ASCC3: variants seen among roughly 807,000 people sequenced by gnomAD.
ASCC3 encodes the protein activating signal cointegrator 1 complex subunit 3.
Under a neutral mutation model 256.3 loss-of-function variants are expected in ASCC3, and 158 were observed. The ratio of observed to expected loss-of-function variants is 0.62; its 90% confidence interval spans 0.54 to 0.70. ASCC3 has a LOEUF of 0.70. ASCC3 is among the 30% of genes least tolerant of loss of function. ASCC3 has a pLI of 0.00. For missense variants in ASCC3, 2,259 were observed against 2,626.0 expected (o/e 0.86, Z 3.05); for synonymous variants, 948 against 883.4 (o/e 1.07, Z -1.30).
In ASCC3 at chr6:100,509,139, A is replaced by G; in HGVS notation, c.*247T>C. 1 of 503,616 alleles carries G rather than the reference A, an allele frequency of 2.0e-6. No homozygotes were observed. Among genetic ancestry groups the G allele is most frequent in the South Asian group, 2.1e-5 (1 of 47,484 alleles). The allele number at this position is 503,616 out of a possible 1,614,324, so 31.2% of individuals were successfully genotyped here. A position where few individuals can be genotyped will look rare whatever the true frequency, so the allele number is the denominator to read the frequency against. On this transcript the variant is annotated 3_prime_UTR_variant, in exon 42 of 42. Transcript: ENST00000369162. ...ATACACAAATTAAAAGATTATTCTAAATGCTTTTTCATCTTACATATCAAG... is the reference window on the plus strand; with the variant it reads ...ATACACAAATTAAAAGATTATTCTAGATGCTTTTTCATCTTACATATCAAG...
chr6:100,683,061 G>GGATT (rs1208867071), intron 13 of ASCC3, among the ~76,000 whole-genome samples: 9 of 152,106 alleles, frequency 5.9e-5, no homozygotes, highest in Middle Eastern at 3.4e-3. Flanking sequence ...AGCTGAAAGA[G>GGATT]GATTAAAAGG....
In ASCC3 at chr6:100,518,032, A is replaced by T; in HGVS notation, c.5886T>A (p.Leu1962=). 6.2e-7 allele frequency: 1 copy of T among 1,613,592 alleles called. No individual in the cohort carries two copies. The highest frequency in any genetic ancestry group is 8.5e-7 in the Non-Finnish European group (1 of 1,179,584). Residue 1962 remains leucine (L), a synonymous_variant, in exon 38 of 42, where the codon CTT becomes CTA. Coordinates refer to ENST00000369162, the MANE Select transcript of ASCC3 (RefSeq NM_006828.4). ...GATGGTTTTCTATGTTTGGTAGTGTAAGAAGAGAAGAGTCCTTTAACCACC... is the reference window on the plus strand; with the variant it reads ...GATGGTTTTCTATGTTTGGTAGTGTTAGAAGAGAAGAGTCCTTTAACCACC... ...QGRWLKDSSL[L]TLPNIENHHL...
intron 3 of ASCC3, chr6:100,858,441 C>A: frequency 1.3e-5 from 6 of 450,916 alleles, no homozygotes; most frequent in Non-Finnish European, 1.5e-5. Flanking sequence ...AGTATGTTTT[C>A]TCCAAGTTTT....
chr6:100,753,606 G>A (rs1420362517), intron 10 of ASCC3, among the ~76,000 whole-genome samples: 5 of 151,818 alleles, frequency 3.3e-5, no homozygotes, highest in African/African-American at 4.8e-5. Context: ...TGAAATTCCC[G>A]GGCTTAAGTG....
At chr6:100,615,842 T>C (rs1773641376) in intron 30 of ASCC3, among the ~76,000 whole-genome samples, 1 of 152,206 alleles carries the variant, frequency 6.6e-6, no homozygotes, top group South Asian at 2.1e-4. Flanking sequence ...CTGTAGATAA[T>C]GTCTGCTTGA....
chr6:100,615,225 G>A lies in ASCC3; in HGVS notation c.4786-8137C>T, dbSNP rs551192960. ...TGACCTCAGGTGATCCACCCAACTCGGCCTCCTGCAGTGCTGGGATTACAG... is the reference window on the plus strand; with the variant it reads ...TGACCTCAGGTGATCCACCCAACTCAGCCTCCTGCAGTGCTGGGATTACAG... On this transcript the variant is annotated intron_variant, in intron 30 of 41. Transcript: ENST00000369162. 1.1e-4 allele frequency among the ~76,000 whole-genome samples: 16 copies of A among 152,058 alleles called. 3 individuals carry two copies. The highest frequency in any genetic ancestry group is 5.2e-4 in the Admixed American group (8 of 15,268).
At chr6:100,792,483 T>A (rs1035717462) in intron 8 of ASCC3, among the ~76,000 whole-genome samples, 4 of 151,888 alleles carry the variant, frequency 2.6e-5, no homozygotes, top group African/African-American at 9.7e-5. Context: ...TCATGCAACA[T>A]CCTTTGTGTG....
At position 100,518,011 on chromosome 6, in the gene ASCC3, G is replaced by A; in HGVS notation, c.5907C>T (p.Asn1969=). ...ATTACTTGAAAAGGTGAAGATGATG[G>A]TTTTCTATGTTTGGTAGTGTAAGAA... ...SSLLTLPNIE[N]HHLHLFKKWK... The change falls in exon 38 of 42, where the codon AAC becomes AAT. Residue 1969 remains asparagine (N), a synonymous_variant. Coordinates refer to ENST00000369162, the MANE Select transcript of ASCC3 (RefSeq NM_006828.4). The A allele has an allele frequency of 6.2e-7, 1 of 1,613,350 alleles. No individual in the cohort carries two copies. Among genetic ancestry groups the A allele is most frequent in the Non-Finnish European group, 8.5e-7 (1 of 1,179,496 alleles).
At chr6:100,551,242 A>C (rs1409929243) in intron 36 of ASCC3, among the ~76,000 whole-genome samples, 1 of 152,010 alleles carries the variant, frequency 6.6e-6, no homozygotes, top group African/African-American at 2.4e-5. Flanking sequence ...ATGGTAAACA[A>C]AAAGAGACAT....
At chr6:100,603,957 C>T (rs1224193985) in intron 33 of ASCC3, among the ~76,000 whole-genome samples, 1 of 151,956 alleles carries the variant, frequency 6.6e-6, no homozygotes, top group African/African-American at 2.4e-5. Context: ...AACAAGCTGG[C>T]AAGTATTCTT....
At chr6:100,567,357 G>C (rs931712513) in intron 36 of ASCC3, among the ~76,000 whole-genome samples, 2 of 152,018 alleles carry the variant, frequency 1.3e-5, no homozygotes, top group African/African-American at 4.8e-5. Context: ...TAGAGGCATA[G>C]GTGTACATCA....
intron 3 of ASCC3, among the ~76,000 whole-genome samples, chr6:100,855,143 T>A (rs1772880961): frequency 6.6e-6 from 1 of 151,966 alleles, no homozygotes; most frequent in Non-Finnish European, 1.5e-5. Flanking sequence ...AGACAGGGTC[T>A]GACTCTGTCA....
chr6:100,716,856 T>A (rs943044487), intron 12 of ASCC3, among the ~76,000 whole-genome samples: 1 of 152,004 alleles, frequency 6.6e-6, no homozygotes, highest in Non-Finnish European at 1.5e-5. Context: ...GTGAAACAAC[T>A]GTCTTCTCTT....
chr6:100,757,010 G>T (rs538262347), intron 10 of ASCC3, among the ~76,000 whole-genome samples: 6 of 152,038 alleles, frequency 3.9e-5, no homozygotes, highest in Non-Finnish European at 7.4e-5. Flanking sequence ...CATAATAAAG[G>T]TGTTAACTTT....
chr6:100,529,611 G>A (rs1356844585), intron 37 of ASCC3, among the ~76,000 whole-genome samples: 1 of 151,864 alleles, frequency 6.6e-6, no homozygotes, highest in Admixed American at 6.6e-5. Context: ...TGGTCTAATG[G>A]GAATTCTCGG....
chr6:100,853,001 A>C (rs1350695443), intron 3 of ASCC3, among the ~76,000 whole-genome samples: 3 of 152,064 alleles, frequency 2.0e-5, no homozygotes, highest in Admixed American at 6.6e-5. Flanking sequence ...AAAAAAAAAA[A>C]AGTCAAAAGT....
intron 3 of ASCC3, among the ~76,000 whole-genome samples, chr6:100,863,146 T>C (rs910935936): frequency 2.6e-5 from 4 of 152,220 alleles, no homozygotes; most frequent in African/African-American, 7.2e-5. Flanking sequence ...TAGTGTTAAT[T>C]ATGCTTTTTA....
intron 4 of ASCC3, among the ~76,000 whole-genome samples, chr6:100,840,161 T>C (rs1297126125): frequency 6.6e-6 from 1 of 152,152 alleles, no homozygotes; most frequent in Non-Finnish European, 1.5e-5. Flanking sequence ...GAGTATACAG[T>C]ATGAACATAT....
intron 30 of ASCC3, among the ~76,000 whole-genome samples, chr6:100,607,737 T>C (rs1772976222): frequency 1.3e-5 from 2 of 151,766 alleles, no homozygotes; most frequent in African/African-American, 4.8e-5. Context: ...TATTCAAAAA[T>C]TGTTTTCCAG....
Sources: gnomAD v4.1 joint callset for allele counts (sites outside exome capture counted in the v4.1 genomes callset) on GRCh38, gnomAD v4.1.1 for gene constraint, MANE v1.5 for transcripts, NCBI Gene and HGNC (gene_info 2026-07-23, HGNC 2026-07-21) for gene names.